Variants in DACH2 observed in about 807,000 individuals in gnomAD.
DACH2 encodes the protein dachshund homolog 2.
In DACH2, 17 loss-of-function variants were observed where a neutral mutation model predicts 35.8. The ratio of observed to expected loss-of-function variants is 0.48; its 90% CI spans 0.33 to 0.71. The LOEUF (loss-of-function observed/expected upper bound fraction) is 0.71, where lower values mean the gene tolerates loss of function less well. Ranked by LOEUF, DACH2 falls within the 30% of genes least tolerant of loss-of-function variation. The pLI, the probability that DACH2 is intolerant of heterozygous loss-of-function variation, is 0.02. For missense variants in DACH2, 469 were observed against 472.7 expected (o/e 0.99, Z 0.07); for synonymous variants, 195 against 177.3 (o/e 1.10, Z -0.79).
chrX:86,415,033 C>T (rs1448822829), intron 2 of DACH2, among the ~76,000 whole-genome samples: 1 of 111,718 alleles, frequency 9.0e-6, no homozygotes, highest in Admixed American at 9.5e-5. Context: ...CAGTATTAAG[C>T]GTCACAGTAC....
In DACH2 at chrX:86,432,742, A is replaced by C. The variant is rs754039208; in HGVS notation, c.527+55880A>C. ...TGTATCTATCTAAAGAACTTCATCT[A>C]TGAAATTCCATGTTTGTGGAGTTTT... On this transcript the variant is annotated intron_variant, in intron 2 of 11. Transcript: ENST00000373125. Among the ~76,000 whole-genome samples the C allele has an allele frequency of 8.0e-5, 9 of 112,178 alleles. No homozygotes were observed. In the East Asian group the frequency reaches 2.2e-3, roughly 28 times the overall value.
At chrX:86,474,267 C>A (rs183423624) in intron 2 of DACH2, among the ~76,000 whole-genome samples, 579 of 111,568 alleles carry the variant, frequency 5.2e-3, no homozygotes, top group Middle Eastern at 0.018. Context: ...TGTTATTAAT[C>A]CCTTATCAGA....
intron 2 of DACH2, among the ~76,000 whole-genome samples, chrX:86,386,442 T>C (rs1014489346): frequency 1.8e-5 from 2 of 111,083 alleles, no homozygotes; most frequent in African/African-American, 3.3e-5. Context: ...CTTTCTTTTT[T>C]TTTCTTTCTT....
At chrX:86,550,804 G>A (rs775801108) in intron 3 of DACH2, among the ~76,000 whole-genome samples, 107 of 111,586 alleles carry the variant, frequency 9.6e-4, no homozygotes, top group South Asian at 3.3e-3. Context: ...CCTTTGCTGT[G>A]GAAACTGTTG....
rs891734574 is a variant in DACH2, at chrX:86,811,484, A to C, written c.1241-1372A>C. 4.5e-5 allele frequency among the ~76,000 whole-genome samples: 5 copies of C among 111,821 alleles called. No individual in the cohort carries two copies. In the Admixed American group the frequency reaches 4.8e-4, roughly 11 times the overall value. On this transcript the variant is annotated intron_variant, in intron 7 of 11. Coordinates refer to ENST00000373125, the MANE Select transcript of DACH2 (RefSeq NM_053281.3). ...AATTGGTTATGTCTAGATTTAAGCCAAGTCTTTTTTCTTGAGTGAGTCTCA... is the reference window on the plus strand; with the variant it reads ...AATTGGTTATGTCTAGATTTAAGCCCAGTCTTTTTTCTTGAGTGAGTCTCA...
chrX:86,668,684 TG>T (rs2040728199), intron 4 of DACH2, among the ~76,000 whole-genome samples: 2 of 111,396 alleles, frequency 1.8e-5, no homozygotes, highest in Admixed American at 9.6e-5. Context: ...TGACAAGAGA[TG>T]TGTACAAGAA....
intron 1 of DACH2, among the ~76,000 whole-genome samples, chrX:86,318,681 A>G (rs1053681801): frequency 3.6e-5 from 4 of 111,296 alleles, no homozygotes; most frequent in African/African-American, 1.3e-4. Context: ...AATTCCATGT[A>G]CCTAAACATG....
intron 1 of DACH2, among the ~76,000 whole-genome samples, chrX:86,285,372 T>C (rs2034123680): frequency 8.9e-6 from 1 of 111,993 alleles, no homozygotes; most frequent in African/African-American, 3.2e-5. Flanking sequence ...TTGTATGTTG[T>C]ATTTTTGTTA....
chrX:86,638,933 A>T (rs2040311820), intron 3 of DACH2, among the ~76,000 whole-genome samples: 1 of 112,157 alleles, frequency 8.9e-6, no homozygotes, highest in African/African-American at 3.2e-5. Flanking sequence ...AAAAGGAATT[A>T]TTATATCAAA....
chrX:86,465,211 G>T (rs1052203091), intron 2 of DACH2, among the ~76,000 whole-genome samples: 1 of 112,146 alleles, frequency 8.9e-6, no homozygotes, highest in Non-Finnish European at 1.9e-5. Context: ...AAAAAAAGAA[G>T]TAGAGACAGA....
intron 2 of DACH2, among the ~76,000 whole-genome samples, chrX:86,428,963 T>C (rs751546273): frequency 2.2e-4 from 24 of 111,256 alleles, no homozygotes; most frequent in African/African-American, 6.2e-4. Context: ...TAATTCTCTC[T>C]TTTTAGGCAA....
At chrX:86,479,683 T>C (rs2037907217) in intron 2 of DACH2, among the ~76,000 whole-genome samples, 1 of 112,062 alleles carries the variant, frequency 8.9e-6, no homozygotes. Context: ...TTTTGTCTCC[T>C]GTAACTATGT....
At chrX:86,649,463 C>T (rs547599782) in intron 3 of DACH2, among the ~76,000 whole-genome samples, 2 of 110,949 alleles carry the variant, frequency 1.8e-5, no homozygotes, top group African/African-American at 6.5e-5. Flanking sequence ...TCATTGCCAT[C>T]ATATTTTCTG....
Position 86,826,883 on chromosome X carries a change from A to G in DACH2, c.1751-5223A>G, listed in dbSNP as rs139716878. Among the ~76,000 whole-genome samples the G allele has an allele frequency of 2.0e-3, 222 of 112,472 alleles. 6 individuals are homozygous for G. Among genetic ancestry groups the G allele is most frequent in the African/African-American group, 6.7e-3 (209 of 31,037 alleles). On this transcript the variant is annotated intron_variant, in intron 11 of 11. Coordinates refer to ENST00000373125, the MANE Select transcript of DACH2 (RefSeq NM_053281.3). ...CTTGCTGCTAAATTATATAGTGCCC[A>G]TTTGTAAATCAGAAGCACAGCACTA...
intron 4 of DACH2, among the ~76,000 whole-genome samples, chrX:86,661,750 A>G (rs886989730): frequency 1.8e-5 from 2 of 112,103 alleles, no homozygotes; most frequent in Non-Finnish European, 3.8e-5. Context: ...AACACTTTGA[A>G]GAAATGTCAA....
chrX:86,635,938 T>A, intron 3 of DACH2, among the ~76,000 whole-genome samples: 1 of 111,736 alleles, frequency 8.9e-6, no homozygotes, highest in East Asian at 2.8e-4. Context: ...ATAATATTTT[T>A]AAAATGGTCA....
At chrX:86,496,316 G>A (rs181313670) in intron 2 of DACH2, among the ~76,000 whole-genome samples, 4 of 109,924 alleles carry the variant, frequency 3.6e-5, no homozygotes, top group African/African-American at 1.3e-4. Flanking sequence ...GTATCCTTAG[G>A]ACGTTTTTCT....
chrX:86,276,581 G>T (rs2033920186), intron 1 of DACH2, among the ~76,000 whole-genome samples: 1 of 69,658 alleles, frequency 1.4e-5, no homozygotes, highest in Non-Finnish European at 2.5e-5. Context: ...TGTGCTTGTG[G>T]GGTACTGCTC....
chrX:86,642,691 AATT>A (rs1417813414), intron 3 of DACH2, among the ~76,000 whole-genome samples: 2 of 112,223 alleles, frequency 1.8e-5, no homozygotes, highest in East Asian at 5.6e-4. Context: ...CTCTAAAATC[AATT>A]AAGTAATTGA....
Sources: allele counts gnomAD v4.1 joint callset (sites outside exome capture counted in the v4.1 genomes callset), GRCh38; gene constraint gnomAD v4.1.1; transcripts MANE v1.5; gene names NCBI Gene and HGNC (gene_info 2026-07-23, HGNC 2026-07-21).